Variants in GRM4 observed in about 807,000 individuals in gnomAD.
The protein encoded by GRM4 is metabotropic glutamate receptor 4.
A neutral mutation model predicts 81.7 loss-of-function variants in GRM4; 28 were observed. The ratio of observed to expected loss-of-function variants is 0.34; its 90% CI spans 0.25 to 0.47. GRM4 has a LOEUF of 0.47. GRM4 is among the 20% of genes least tolerant of loss of function. GRM4 has a pLI of 1.00. For synonymous variants in GRM4, 488 were observed against 528.8 expected (o/e 0.92, Z 1.06); for missense variants, 948 against 1,290.0 (o/e 0.73, Z 4.06).
At chr6:34,108,286 A>G (rs998556098) in intron 2 of GRM4, among the ~76,000 whole-genome samples, 2 of 152,246 alleles carry the variant, frequency 1.3e-5, no homozygotes, top group African/African-American at 4.8e-5. Flanking sequence ...CCGCTATAAT[A>G]AGAGTTAACA....
intron 2 of GRM4, among the ~76,000 whole-genome samples, chr6:34,109,303 C>T (rs1012576408): frequency 1.3e-5 from 2 of 152,168 alleles, no homozygotes; most frequent in African/African-American, 4.8e-5. Flanking sequence ...AGAGGGAAGC[C>T]CCTCGTTGAT....
chr6:34,105,582 G>A (rs1035264326), intron 2 of GRM4, among the ~76,000 whole-genome samples: 7 of 151,990 alleles, frequency 4.6e-5, no homozygotes, highest in Admixed American at 2.0e-4. Context: ...AGGGCTCAGC[G>A]CTCCCTTCCC....
chr6:34,103,934 G>T, intron 2 of GRM4: 1 of 1,119,458 alleles, frequency 8.9e-7, no homozygotes, highest in Non-Finnish European at 1.2e-6. Context: ...AGCCAGCCAT[G>T]CACCTCTCTC....
chr6:34,149,672 G>A (rs1195993500), upstream of GRM4, among the ~76,000 whole-genome samples: 2 of 152,214 alleles, frequency 1.3e-5, no homozygotes, highest in Non-Finnish European at 2.9e-5. Flanking sequence ...ACAGGTATGA[G>A]TGACACCTTT....
chr6:34,033,721 C>G (rs1764557745), intron 9 of GRM4, among the ~76,000 whole-genome samples: 1 of 151,534 alleles, frequency 6.6e-6, no homozygotes, highest in Non-Finnish European at 1.5e-5. Context: ...CTCTCTCCCT[C>G]TCTCTCTCTT....
chr6:34,036,610 A>G lies in GRM4; in HGVS notation c.1507-7T>C, dbSNP rs1231989926. The G allele has an allele frequency of 6.6e-7, 1 of 1,504,878 alleles. No individual in the cohort carries two copies. Among genetic ancestry groups the G allele is most frequent in the African/African-American group, 1.4e-5 (1 of 73,108 alleles). The allele number at this position is 1,504,878 out of a possible 1,614,324, so 93.2% of individuals were successfully genotyped here. On this transcript the variant is annotated splice_polypyrimidine_tract_variant and splice_region_variant and intron_variant, in intron 8 of 10. Transcript: ENST00000538487. The surrounding 1 kb of genome is among the most constrained non-coding windows in gnomAD (Gnocchi z 9.0). ...GCCAGTGCATCCGCTCTATCTGGCA[A>G]TGACAGCACCGTAAAGCAGGCCTCA...
At chr6:34,113,632 C>A (rs768187632) in intron 2 of GRM4, among the ~76,000 whole-genome samples, 7 of 152,228 alleles carry the variant, frequency 4.6e-5, no homozygotes, top group Non-Finnish European at 8.8e-5. Context: ...AACTGCCCAG[C>A]CCTCTGGAAG....
At chr6:34,117,699 C>T (rs1333367680) in intron 2 of GRM4, among the ~76,000 whole-genome samples, 3 of 152,194 alleles carry the variant, frequency 2.0e-5, no homozygotes, top group Admixed American at 2.0e-4. Context: ...GCCACATCCA[C>T]CTCCTCACCT....
rs372452185 is a variant in GRM4 at position 34,124,847 on chromosome 6, CT to C, written c.519+8130del. Among the ~76,000 whole-genome samples, 525 of 152,246 alleles carry C rather than the reference CT, an allele frequency of 3.4e-3. 2 individuals carry two copies. Among genetic ancestry groups the C allele is most frequent in the East Asian group, 0.011 (55 of 5,182 alleles). ...CACTCATGAACTTGAGGACCCCCCCCTAGACTCAGCCTTCACCTCAGCCCTT... is the reference window on the plus strand; with the variant it reads ...CACTCATGAACTTGAGGACCCCCCCCAGACTCAGCCTTCACCTCAGCCCTT... On this transcript the variant is annotated intron_variant, in intron 2 of 10. Transcript: ENST00000538487.
rs1277272817 is a variant in GRM4 at position 34,089,492 on chromosome 6, A to G, written c.736+2391T>C. On this transcript the variant is annotated intron_variant, in intron 3 of 10. Coordinates refer to ENST00000538487, the MANE Select transcript of GRM4 (RefSeq NM_000841.4). The surrounding 1 kb of genome is among the most constrained non-coding windows in gnomAD (Gnocchi z 4.3). ...TGAACTGCCCTGGCCAGGCCCCCGT[A>G]GGATGTTGCACACTGGCATGGGGTG... Among the ~76,000 whole-genome samples the G allele has an allele frequency of 3.3e-5, 5 of 151,934 alleles. No homozygotes were observed. Among genetic ancestry groups the G allele is most frequent in the African/African-American group, 1.2e-4 (5 of 41,352 alleles).
chr6:34,144,009 A>G (rs1294004169), intron 1 of GRM4, among the ~76,000 whole-genome samples: 2 of 152,258 alleles, frequency 1.3e-5, no homozygotes, highest in Admixed American at 1.3e-4. Flanking sequence ...AGCCCAGCTC[A>G]GTCGGTGTCC....
intron 2 of GRM4, among the ~76,000 whole-genome samples, chr6:34,119,213 T>C (rs1207726252): frequency 1.9e-4 from 29 of 152,086 alleles, no homozygotes; most frequent in Admixed American, 1.9e-3. Context: ...CTGGTCAACA[T>C]GGTGAAACCC....
At chr6:34,141,617 C>T (rs9469721) in intron 1 of GRM4, among the ~76,000 whole-genome samples, 67 of 148,710 alleles carry the variant, frequency 4.5e-4, no homozygotes, top group African/African-American at 1.4e-3. Context: ...TTGTGGTGCT[C>T]GTTTTTCCAA....
chr6:34,078,876 G>A lies in GRM4; in HGVS notation c.736+13007C>T, dbSNP rs975217661. 2.6e-5 allele frequency among the ~76,000 whole-genome samples: 4 copies of A among 152,202 alleles called. No individual in the cohort carries two copies. The highest frequency in any genetic ancestry group is 1.9e-4 in the East Asian group (1 of 5,174). ...TATCCATATGATCATTCTGTCTACC[G>A]CAAAATGGGGCACAGATATAATGGG... On this transcript the variant is annotated intron_variant, in intron 3 of 10. Coordinates refer to ENST00000538487, the MANE Select transcript of GRM4 (RefSeq NM_000841.4). This position sits in a 1 kb window ranked among gnomAD's most constrained non-coding sequence, Gnocchi z 4.8.
At chr6:34,139,956 G>A (rs528463187) in intron 1 of GRM4, among the ~76,000 whole-genome samples, 8 of 152,300 alleles carry the variant, frequency 5.3e-5, no homozygotes, top group East Asian at 1.9e-4. Flanking sequence ...AACAGGCACA[G>A]ACGCCTGCCC....
intron 6 of GRM4, among the ~76,000 whole-genome samples, chr6:34,046,751 C>T (rs1765381670): frequency 6.6e-6 from 1 of 152,172 alleles, no homozygotes; most frequent in African/African-American, 2.4e-5. Flanking sequence ...TGCAGTCAAG[C>T]ATCGATCCAT....
intron 7 of GRM4, 81 bp from the exon 8 acceptor site, chr6:34,040,395 G>T: frequency 6.7e-7 from 1 of 1,501,030 alleles, no homozygotes; most frequent in South Asian, 1.2e-5. Context: ...AGACCTCTCT[G>T]ACACACCCAT....
rs184636998 is a variant in GRM4, at chr6:34,028,252, C to A, written c.2557G>T (p.Val853Leu). The A allele has an allele frequency of 5.3e-5, 85 of 1,614,102 alleles. 1 individual carries two copies. The Middle Eastern group carries it at 9.9e-4, about 19-fold the overall frequency. The change falls in exon 10 of 11, where the codon GTG becomes TTG. Residue 853 changes from valine (V) to leucine (L), a missense_variant. Transcript: ENST00000538487. ...YIILFHPEQN[V>L]PKRKRSLKAV... ...TTGAGGCTGCGCTTGCGCTTGGGCA[C>A]GTTCTGCTCCGGGTGGAAGAGGATG...
Position 34,059,456 on chromosome 6 carries a change from T to G in GRM4, c.873-328A>C. ...GATCCACACCCGCCCCACGTCTGACTCAGGCCCCACAACCACCTCTGCCCA... is the reference window on the plus strand; with the variant it reads ...GATCCACACCCGCCCCACGTCTGACGCAGGCCCCACAACCACCTCTGCCCA... On this transcript the variant is annotated intron_variant, in intron 4 of 10. Coordinates refer to ENST00000538487, the MANE Select transcript of GRM4 (RefSeq NM_000841.4). The surrounding 1 kb of genome is among the most constrained non-coding windows in gnomAD (Gnocchi z 5.7). 1 of 369,632 alleles carries G rather than the reference T, an allele frequency of 2.7e-6. No homozygotes were observed. Among genetic ancestry groups the G allele is most frequent in the African/African-American group, 2.1e-5 (1 of 48,670 alleles). 22.9% of individuals were successfully genotyped at this position (369,632 alleles called of 1,614,324 possible). A position where few individuals can be genotyped will look rare whatever the true frequency, so the allele number is the denominator to read the frequency against.
Sources: gnomAD v4.1 joint callset for allele counts (sites outside exome capture counted in the v4.1 genomes callset) on GRCh38, gnomAD v4.1.1 for gene constraint, Gnocchi (gnomAD v3.1) non-coding constraint, MANE v1.5 for transcripts, NCBI Gene and HGNC (gene_info 2026-07-23, HGNC 2026-07-21) for gene names.